The following KAZN variants were observed in gnomAD, a reference collection of about 807,000 sequenced individuals.
KAZN encodes kazrin, periplakin interacting protein.
In KAZN, 40 loss-of-function variants were observed where a neutral mutation model predicts 87.4. That is an observed-to-expected ratio of 0.46 (90% CI 0.36 to 0.60). KAZN has a LOEUF of 0.60. Ranked by LOEUF, KAZN falls within the 20% of genes least tolerant of loss-of-function variation. The probability of loss-of-function intolerance (pLI) is 0.00; values close to 1 mark genes in which losing one functional copy is unlikely to be tolerated. For synonymous variants in KAZN, 466 were observed against 458.3 expected (o/e 1.02, Z -0.22); for missense variants, 898 against 1,073.9 (o/e 0.84, Z 2.29).
chr1:14,808,604 T>A (rs1646304749), intron 1 of KAZN, among the ~76,000 whole-genome samples: 1 of 152,092 alleles, frequency 6.6e-6, no homozygotes, highest in Non-Finnish European at 1.5e-5. Context: ...GGCCAAGGTT[T>A]CTAAATAATG....
chr1:14,099,317 A>T (rs1644197873), intron 1 of KAZN, among the ~76,000 whole-genome samples: 1 of 151,800 alleles, frequency 6.6e-6, no homozygotes, highest in Admixed American at 6.6e-5. Flanking sequence ...ACATACCCCC[A>T]TTTTTCTAAG....
chr1:15,110,165 TTGTG>T (rs1428593556), intron 13 of KAZN, among the ~76,000 whole-genome samples: 7 of 145,230 alleles, frequency 4.8e-5, no homozygotes, highest in African/African-American at 1.2e-4. Context: ...GCATATGTGT[TTGTG>T]TGTGTATATG....
At chr1:15,049,244 G>C (rs1390213085) in intron 4 of KAZN, among the ~76,000 whole-genome samples, 1 of 152,206 alleles carries the variant, frequency 6.6e-6, no homozygotes, top group Non-Finnish European at 1.5e-5. Flanking sequence ...CTGAGACCAT[G>C]GGCATCCCCC....
intron 8 of KAZN, among the ~76,000 whole-genome samples, chr1:15,079,521 C>T (rs779330531): frequency 6.6e-6 from 1 of 151,988 alleles, no homozygotes; most frequent in Non-Finnish European, 1.5e-5. Context: ...GGTTGGGGCA[C>T]AGCTGATTTC....
At chr1:14,326,895 C>T (rs770036388) in intron 2 of KAZN, among the ~76,000 whole-genome samples, 2 of 152,128 alleles carry the variant, frequency 1.3e-5, no homozygotes, top group Non-Finnish European at 2.9e-5. Flanking sequence ...CCCCATGTTG[C>T]CTGTCTCCCT....
At chr1:14,167,873 G>A (rs1645866585) in intron 1 of KAZN, among the ~76,000 whole-genome samples, 1 of 152,166 alleles carries the variant, frequency 6.6e-6, no homozygotes, top group South Asian at 2.1e-4. Context: ...AAAACTGGGG[G>A]CCAGATGACC....
intron 1 of KAZN, among the ~76,000 whole-genome samples, chr1:14,018,347 G>A (rs1339453550): frequency 6.6e-6 from 1 of 152,174 alleles, no homozygotes; most frequent in Non-Finnish European, 1.5e-5. Flanking sequence ...TTACTGACAA[G>A]CAAAATGAAG....
At chr1:14,524,522 G>T (rs564543054) in intron 2 of KAZN, among the ~76,000 whole-genome samples, 1 of 152,254 alleles carries the variant, frequency 6.6e-6, no homozygotes, top group African/African-American at 2.4e-5. Flanking sequence ...GACTCTGAGG[G>T]TCTTTGACGC....
intron 1 of KAZN, among the ~76,000 whole-genome samples, chr1:14,117,767 G>C (rs1300390254): frequency 6.6e-6 from 1 of 152,160 alleles, no homozygotes; most frequent in African/African-American, 2.4e-5. Flanking sequence ...GACTGGTGAT[G>C]ATGATGGTGG....
At chr1:14,987,579 C>G (rs866429305) in intron 2 of KAZN, among the ~76,000 whole-genome samples, 18 of 152,078 alleles carry the variant, frequency 1.2e-4, no homozygotes, top group Admixed American at 1.2e-3. Context: ...AGGGGAGGAA[C>G]CTGCCAGGCA....
At chr1:14,037,838 A>G (rs1044571560) in intron 1 of KAZN, among the ~76,000 whole-genome samples, 1 of 152,168 alleles carries the variant, frequency 6.6e-6, no homozygotes, top group Non-Finnish European at 1.5e-5. Context: ...GTGTTTCTGC[A>G]CCAGTGGGTT....
intron 2 of KAZN, among the ~76,000 whole-genome samples, chr1:14,387,777 G>T (rs1662059184): frequency 6.6e-6 from 1 of 151,996 alleles, no homozygotes; most frequent in South Asian, 2.1e-4. Context: ...GTTTGTCTGT[G>T]CCCTGCCCCC....
intron 1 of KAZN, among the ~76,000 whole-genome samples, chr1:14,794,836 C>T (rs1278198299): frequency 6.6e-6 from 1 of 152,158 alleles, no homozygotes; most frequent in Admixed American, 6.5e-5. Context: ...AAGGCAGACC[C>T]ACCCTCAATC....
chr1:14,936,714 G>A (rs1156551543), intron 1 of KAZN, among the ~76,000 whole-genome samples: 2 of 152,152 alleles, frequency 1.3e-5, no homozygotes, highest in Non-Finnish European at 1.5e-5. Flanking sequence ...CTACTTTCAT[G>A]GCACTTATAT....
chr1:14,518,178 CTTTT>C (rs141321203), intron 2 of KAZN, among the ~76,000 whole-genome samples: 17 of 91,312 alleles, frequency 1.9e-4, no homozygotes, highest in Non-Finnish European at 2.3e-4. Context: ...TTTTTGAAGG[CTTTT>C]TTTTTTTTTT....
intron 2 of KAZN, among the ~76,000 whole-genome samples, chr1:14,580,304 C>T (rs1424854026): frequency 6.6e-6 from 1 of 152,046 alleles, no homozygotes; most frequent in Non-Finnish European, 1.5e-5. Flanking sequence ...GGGGAAACCC[C>T]ATCTCTACTA....
chr1:14,187,885 A>G (rs774624736), intron 2 of KAZN, among the ~76,000 whole-genome samples: 6 of 152,162 alleles, frequency 3.9e-5, no homozygotes, highest in Non-Finnish European at 5.9e-5. Context: ...GATTTTCCAG[A>G]TACATCTTCG....
rs139092577 is a variant in KAZN, at chr1:15,081,561, C to CGT, written c.1223-12601_1223-12600dup. 0.14 allele frequency among the ~76,000 whole-genome samples: 20,353 copies of CGT among 149,628 alleles called. 1,890 individuals are homozygous for CGT. Among genetic ancestry groups the CGT allele is most frequent in the East Asian group, 0.56 (2,829 of 5,086 alleles). On this transcript the variant is annotated intron_variant, in intron 8 of 14. Transcript: ENST00000376030. The surrounding 1 kb of genome is among the most constrained non-coding windows in gnomAD (Gnocchi z 4.1). ...GAAAGGTTCCAGGAATTAATGACAG[C>CGT]GTGTGTGTGTGTGTGTGTGAGTGTG...
At chr1:13,957,128 C>T (rs770712631) in intron 1 of KAZN, among the ~76,000 whole-genome samples, 3 of 152,062 alleles carry the variant, frequency 2.0e-5, no homozygotes, top group Admixed American at 1.3e-4. Flanking sequence ...GCCAGGATCC[C>T]GGAGAAGGTT....
Sources: allele counts gnomAD v4.1 joint callset (sites outside exome capture counted in the v4.1 genomes callset), GRCh38; gene constraint gnomAD v4.1.1; non-coding constraint Gnocchi (gnomAD v3.1); transcripts MANE v1.5; gene names NCBI Gene and HGNC (gene_info 2026-07-23, HGNC 2026-07-21).